The following GAB1 variants were observed in gnomAD, a reference collection of about 807,000 sequenced individuals.
The protein encoded by GAB1 is GRB2 associated binding protein 1, also known as GRB2-associated-binding protein 1.
A neutral mutation model predicts 66.5 loss-of-function variants in GAB1; 19 were observed. The observed-to-expected ratio is 0.29, with a 90% CI of 0.20 to 0.42. GAB1 has a LOEUF of 0.42. Ranked by LOEUF, GAB1 falls within the 10% of genes least tolerant of loss-of-function variation. The pLI is 1.00. For synonymous variants in GAB1, 294 were observed against 301.4 expected, an observed-to-expected ratio of 0.98 and a Z score of 0.25; for missense variants, 732 against 858.5, an observed-to-expected ratio of 0.85 and a Z score of 1.84.
intron 1 of GAB1, among the ~76,000 whole-genome samples, chr4:143,373,295 A>C (rs1236196731): frequency 6.6e-6 from 1 of 152,192 alleles, no homozygotes; most frequent in Non-Finnish European, 1.5e-5. Flanking sequence ...ATATTCTCAA[A>C]CTTCATCTAG....
intron 2 of GAB1, among the ~76,000 whole-genome samples, chr4:143,423,835 T>G: frequency 8.8e-6 from 1 of 113,842 alleles, no homozygotes; most frequent in Non-Finnish European, 1.9e-5. Flanking sequence ...TATATATATA[T>G]ATGTCTTCAC....
intron 1 of GAB1, among the ~76,000 whole-genome samples, chr4:143,408,950 A>G (rs1732213524): frequency 6.6e-6 from 1 of 152,232 alleles, no homozygotes; most frequent in Admixed American, 6.5e-5. Context: ...AAGTTGGCTC[A>G]GGAATGTAGA....
chr4:143,408,952 G>C (rs1479607272), intron 1 of GAB1, among the ~76,000 whole-genome samples: 1 of 152,200 alleles, frequency 6.6e-6, no homozygotes, highest in African/African-American at 2.4e-5. Context: ...GTTGGCTCAG[G>C]AATGTAGAAA....
At chr4:143,408,144 T>C (rs964431115) in intron 1 of GAB1, among the ~76,000 whole-genome samples, 2 of 152,216 alleles carry the variant, frequency 1.3e-5, no homozygotes, top group Admixed American at 1.3e-4. Context: ...TCCTTCCACA[T>C]GTATCCCGGA....
chr4:143,438,721 C>T (rs1734072463), intron 4 of GAB1, 121 bp downstream of exon 4: 1 of 1,029,310 alleles, frequency 9.7e-7, no homozygotes, highest in Non-Finnish European at 1.4e-6. Flanking sequence ...CCATTTTTTT[C>T]CAGCTCTACA....
intron 6 of GAB1, chr4:143,457,821 A>G: frequency 1.0e-6 from 1 of 990,184 alleles, no homozygotes; most frequent in Non-Finnish European, 1.5e-6. Flanking sequence ...TTTATTTTGT[A>G]ATGTTTTTTG....
At chr4:143,377,987 G>A (rs901958374) in intron 1 of GAB1, among the ~76,000 whole-genome samples, 2 of 152,154 alleles carry the variant, frequency 1.3e-5, no homozygotes, top group Admixed American at 1.3e-4. Flanking sequence ...TATAGTACAC[G>A]TGGTGGCAAA....
At chr4:143,343,205 T>A (rs1728880660) in intron 1 of GAB1, among the ~76,000 whole-genome samples, 1 of 152,172 alleles carries the variant, frequency 6.6e-6, no homozygotes, top group Non-Finnish European at 1.5e-5. Context: ...AGTTTAGCGT[T>A]CCTCTTCTCA....
intron 1 of GAB1, among the ~76,000 whole-genome samples, chr4:143,340,246 T>C (rs867802587): frequency 6.6e-6 from 1 of 152,204 alleles, no homozygotes. Context: ...AAAGGAAACA[T>C]TGTTGGCCAC....
chr4:143,355,125 A>T (rs1729392044), intron 1 of GAB1, among the ~76,000 whole-genome samples: 2 of 152,180 alleles, frequency 1.3e-5, no homozygotes, highest in Admixed American at 6.5e-5. Flanking sequence ...GATAAAGGCT[A>T]ATTTTTCTTA....
chr4:143,398,904 A>G (rs1560741897), intron 1 of GAB1, among the ~76,000 whole-genome samples: 1 of 152,102 alleles, frequency 6.6e-6, no homozygotes, highest in Non-Finnish European at 1.5e-5. Context: ...TACAAGAAAA[A>G]AAAAGTAAGT....
chr4:143,405,998 A>T (rs934062110), intron 1 of GAB1, among the ~76,000 whole-genome samples: 1 of 152,054 alleles, frequency 6.6e-6, no homozygotes, highest in Non-Finnish European at 1.5e-5. Flanking sequence ...CATCACTTTG[A>T]TGGCTGTGTA....
intron 1 of GAB1, among the ~76,000 whole-genome samples, chr4:143,414,510 T>C (rs1024978663): frequency 6.6e-6 from 1 of 152,058 alleles, no homozygotes; most frequent in Non-Finnish European, 1.5e-5. Flanking sequence ...AGGGGAAATA[T>C]TAGAAAGAGT....
intron 1 of GAB1, among the ~76,000 whole-genome samples, chr4:143,360,792 A>G (rs1729633537): frequency 6.6e-6 from 1 of 152,218 alleles, no homozygotes; most frequent in Non-Finnish European, 1.5e-5. Flanking sequence ...GTTACTGGTA[A>G]TAAGCCAAAA....
Position 143,422,352 on chromosome 4 carries a change from A to G in GAB1, c.367+6581A>G, listed in dbSNP as rs370525133. Among the ~76,000 whole-genome samples, 15 of 152,238 alleles carry G rather than the reference A, an allele frequency of 9.9e-5. 1 individual carries two copies. Among genetic ancestry groups the G allele is most frequent in the Admixed American group, 7.2e-4 (11 of 15,294 alleles). On this transcript the variant is annotated intron_variant, in intron 2 of 9. Coordinates refer to ENST00000262994, the MANE Select transcript of GAB1 (RefSeq NM_002039.4). ...TAGAAACCAAAAAAATTATTCTATC[A>G]GTAGATATAGCCCATCTTCAGAGAA...
intron 6 of GAB1, among the ~76,000 whole-genome samples, chr4:143,458,325 T>C (rs1560785304): frequency 6.6e-6 from 1 of 152,122 alleles, no homozygotes. Flanking sequence ...TGGTCTTCAT[T>C]ATATGTGAGT....
intron 6 of GAB1, among the ~76,000 whole-genome samples, chr4:143,451,896 AT>A (rs1021192935): frequency 7.6e-6 from 1 of 131,356 alleles, no homozygotes; most frequent in African/African-American, 3.1e-5. Flanking sequence ...TGAAGTGCTC[AT>A]TTAAAAAAAA....
intron 6 of GAB1, among the ~76,000 whole-genome samples, chr4:143,444,183 T>A (rs746320594): frequency 6.6e-6 from 1 of 152,212 alleles, no homozygotes; most frequent in Non-Finnish European, 1.5e-5. Context: ...TCTCTTTATG[T>A]CATGACATAA....
intron 1 of GAB1, among the ~76,000 whole-genome samples, chr4:143,404,604 AG>A (rs1172060174): frequency 6.6e-6 from 1 of 152,164 alleles, no homozygotes; most frequent in Non-Finnish European, 1.5e-5. Flanking sequence ...TTGAAAAGTT[AG>A]CCAGGCGTGG....
Sources: allele counts gnomAD v4.1 joint callset (sites outside exome capture counted in the v4.1 genomes callset), GRCh38; gene constraint gnomAD v4.1.1; transcripts MANE v1.5; gene names NCBI Gene and HGNC (gene_info 2026-07-23, HGNC 2026-07-21).